The following NAALADL2 variants were observed in gnomAD, a reference collection of about 807,000 sequenced individuals.
NAALADL2 encodes inactive N-acetylated-alpha-linked acidic dipeptidase-like protein 2.
Under a neutral mutation model 87.2 loss-of-function variants are expected in NAALADL2, and 76 were observed. The observed-to-expected ratio is 0.87, with a 90% CI of 0.72 to 1.05. The LOEUF is 1.05. Ranked by LOEUF, NAALADL2 falls within the 50% of genes least tolerant of loss-of-function variation. NAALADL2 has a pLI of 0.00. For synonymous variants in NAALADL2, 354 were observed against 331.0 expected (o/e 1.07, Z -0.75); for missense variants, 1,089 against 945.8 (o/e 1.15, Z -1.99).
intron 9 of NAALADL2, among the ~76,000 whole-genome samples, chr3:175,525,176 G>C (rs189892850): frequency 6.6e-6 from 1 of 151,942 alleles, no homozygotes; most frequent in African/African-American, 2.4e-5. Context: ...AGTTTCTTCT[G>C]GTTAATGTTA....
At chr3:175,350,133 T>C (rs16825525) in intron 5 of NAALADL2, among the ~76,000 whole-genome samples, 15,531 of 152,098 alleles carry the variant, frequency 0.1, 931 homozygotes, top group Admixed American at 0.14. Context: ...CTTGGCAATG[T>C]GTTTTTCCCT....
In NAALADL2 at chr3:175,361,456, T is replaced by C. The variant is rs201653934; in HGVS notation, c.1090+37131T>C. Among the ~76,000 whole-genome samples, 1,389 of 148,122 alleles carry C rather than the reference T, an allele frequency of 9.4e-3. 118 individuals carry two copies. Among genetic ancestry groups the C allele is most frequent in the Non-Finnish European group, 0.016 (1,074 of 66,470 alleles). On this transcript the variant is annotated intron_variant, in intron 5 of 13. Transcript: ENST00000454872. ...GGAATCGCCACACTGACTTCCACAA[T>C]GGTTGAACTAGTTTACAGTCCCACC... is the stretch of plus-strand genomic sequence containing the variant.
chr3:175,381,829 G>A (rs1159302884), intron 5 of NAALADL2, among the ~76,000 whole-genome samples: 1 of 152,158 alleles, frequency 6.6e-6, no homozygotes, highest in Non-Finnish European at 1.5e-5. Flanking sequence ...TGACTGGCGG[G>A]TTTGGGACAG....
rs61458338 is a variant in NAALADL2 at position 175,632,266 on chromosome 3, T to TTCTCTC, written c.1896+4919_1896+4924dup. ...TTTAAAAGTGTGTGGCACTTTCCCCTTCTCTCTCTCTCTCTCTCTCTCTCT... is the reference window on the plus strand; with the variant it reads ...TTTAAAAGTGTGTGGCACTTTCCCCTTCTCTCTCTCTCTCTCTCTCTCTCTCTCTCT... On this transcript the variant is annotated intron_variant, in intron 11 of 13. Transcript: ENST00000454872. 3.1e-3 allele frequency among the ~76,000 whole-genome samples: 403 copies of TTCTCTC among 129,544 alleles called. 4 individuals are homozygous for TTCTCTC. Among genetic ancestry groups the TTCTCTC allele is most frequent in the South Asian group, 6.7e-3 (24 of 3,592 alleles). The allele number at this position is 129,544 out of a possible 152,430, so 85.0% of individuals were successfully genotyped here. A position where few individuals can be genotyped will look rare whatever the true frequency, so the allele number is the denominator to read the frequency against.
At chr3:175,640,603 G>A (rs1560899002) in intron 11 of NAALADL2, among the ~76,000 whole-genome samples, 1 of 152,002 alleles carries the variant, frequency 6.6e-6, no homozygotes, top group Non-Finnish European at 1.5e-5. Flanking sequence ...ACTCCACGAT[G>A]CCTTTTTCAT....
At chr3:175,516,071 G>C (rs1470549194) in intron 9 of NAALADL2, among the ~76,000 whole-genome samples, 1 of 152,192 alleles carries the variant, frequency 6.6e-6, no homozygotes, top group East Asian at 1.9e-4. Context: ...AATTACCATT[G>C]ACTAAACTGA....
intron 5 of NAALADL2, among the ~76,000 whole-genome samples, chr3:175,428,921 T>C (rs1386548736): frequency 1.3e-5 from 2 of 152,074 alleles, no homozygotes; most frequent in African/African-American, 4.8e-5. Flanking sequence ...TGTTCCTTAC[T>C]CAGCATGTTT....
intron 5 of NAALADL2, among the ~76,000 whole-genome samples, chr3:175,364,409 A>G (rs575615647): frequency 1.4e-5 from 2 of 148,076 alleles, no homozygotes; most frequent in African/African-American, 4.9e-5. Context: ...GAAATGTAGC[A>G]AATTTCAGGT....
At chr3:175,672,861 G>A (rs1734192122) in intron 11 of NAALADL2, among the ~76,000 whole-genome samples, 1 of 152,086 alleles carries the variant, frequency 6.6e-6, no homozygotes, top group Non-Finnish European at 1.5e-5. Flanking sequence ...TAACAATTTT[G>A]TGTAATTTAT....
At chr3:174,461,011 C>T (rs1577960163) in intron 1 of NAALADL2, among the ~76,000 whole-genome samples, 1 of 152,012 alleles carries the variant, frequency 6.6e-6, no homozygotes, top group South Asian at 2.1e-4. Context: ...GTAATGGATG[C>T]TCTGCAATTA....
intron 2 of NAALADL2, among the ~76,000 whole-genome samples, chr3:175,225,817 T>C (rs1744076990): frequency 6.6e-6 from 1 of 152,092 alleles, no homozygotes; most frequent in Admixed American, 6.6e-5. Context: ...TCAGATACCC[T>C]ATTGTGTTCT....
At chr3:175,426,616 A>G (rs1477516021) in intron 5 of NAALADL2, among the ~76,000 whole-genome samples, 1 of 152,182 alleles carries the variant, frequency 6.6e-6, no homozygotes, top group Non-Finnish European at 1.5e-5. Context: ...CTCAGTTGCC[A>G]CTGCAAAGTA....
chr3:175,506,353 G>A (rs939295442), intron 9 of NAALADL2, among the ~76,000 whole-genome samples: 7 of 152,122 alleles, frequency 4.6e-5, no homozygotes, highest in Admixed American at 1.3e-4. Context: ...ATCTTATAAC[G>A]GATGAAAACC....
chr3:175,025,880 G>A (rs1752156536), intron 1 of NAALADL2, among the ~76,000 whole-genome samples: 2 of 152,116 alleles, frequency 1.3e-5, no homozygotes, highest in Non-Finnish European at 2.9e-5. Flanking sequence ...CGTGATCTTA[G>A]CTCACTGCAG....
intron 9 of NAALADL2, among the ~76,000 whole-genome samples, chr3:175,491,621 GTTATAC>G (rs1728108811): frequency 1.3e-5 from 2 of 152,208 alleles, no homozygotes; most frequent in South Asian, 2.1e-4. Context: ...TTTCCACATT[GTTATAC>G]TTATTAGTTG....
intron 11 of NAALADL2, among the ~76,000 whole-genome samples, chr3:175,695,779 CTA>C (rs1160938167): frequency 2.0e-5 from 3 of 152,060 alleles, no homozygotes; most frequent in Non-Finnish European, 4.4e-5. Flanking sequence ...GAATAAACAA[CTA>C]TATGTTTCAA....
At chr3:174,713,024 A>G (rs1297491662) in intron 2 of NAALADL2, among the ~76,000 whole-genome samples, 1 of 151,926 alleles carries the variant, frequency 6.6e-6, no homozygotes, top group East Asian at 1.9e-4. Flanking sequence ...TCATTTTTCA[A>G]TTCCCACCTA....
intron 4 of NAALADL2, among the ~76,000 whole-genome samples, chr3:175,276,114 C>T (rs1282878612): frequency 6.8e-6 from 1 of 147,396 alleles, no homozygotes; most frequent in Non-Finnish European, 1.5e-5. Context: ...TTTCTATAAG[C>T]TAAGTATACA....
rs1185616633 is a variant in NAALADL2, at chr3:175,253,137, T to C, written c.820-3274T>C. Among the ~76,000 whole-genome samples, 6 of 152,274 alleles carry C rather than the reference T, an allele frequency of 3.9e-5. No homozygotes were observed. The East Asian group carries it at 1.2e-3, about 29-fold the overall frequency. On this transcript the variant is annotated intron_variant, in intron 3 of 13. Coordinates refer to ENST00000454872, the MANE Select transcript of NAALADL2 (RefSeq NM_207015.3). Reference sequence around the variant, plus strand: ...AGCCTTAGGTTGGAAGAAGATGTCATCTAATACATTCATAGCTAGAGAGAA... The same window carrying C: ...AGCCTTAGGTTGGAAGAAGATGTCACCTAATACATTCATAGCTAGAGAGAA...
Sources: gnomAD v4.1 joint callset for allele counts (sites outside exome capture counted in the v4.1 genomes callset) on GRCh38, gnomAD v4.1.1 for gene constraint, MANE v1.5 for transcripts, NCBI Gene and HGNC (gene_info 2026-07-23, HGNC 2026-07-21) for gene names.